HS3ST4: variants seen among roughly 807,000 people sequenced by gnomAD.
HS3ST4 encodes heparan sulfate-glucosamine 3-sulfotransferase 4.
Under a neutral mutation model 29.2 loss-of-function variants are expected in HS3ST4, and 17 were observed. That is an observed-to-expected ratio of 0.58 (90% CI 0.40 to 0.87). HS3ST4 has a LOEUF of 0.87. Ranked by LOEUF, HS3ST4 falls within the 40% of genes least tolerant of loss-of-function variation. The pLI is 0.00. For synonymous variants in HS3ST4, 314 were observed against 285.7 expected, an observed-to-expected ratio of 1.10 and a Z score of -1.00; for missense variants, 627 against 634.5, an observed-to-expected ratio of 0.99 and a Z score of 0.13.
At chr16:25,795,760 A>G (rs1966882899) in intron 1 of HS3ST4, among the ~76,000 whole-genome samples, 2 of 152,076 alleles carry the variant, frequency 1.3e-5, no homozygotes, top group Non-Finnish European at 2.9e-5. Context: ...TCATAGATAG[A>G]GCTGATTTGA....
intron 1 of HS3ST4, among the ~76,000 whole-genome samples, chr16:26,102,611 C>A (rs1256331119): frequency 1.3e-5 from 2 of 152,140 alleles, no homozygotes; most frequent in African/African-American, 4.8e-5. Flanking sequence ...AAATACATTC[C>A]CCCTCCATCC....
chr16:25,712,314 G>A (rs1351761037), intron 1 of HS3ST4, among the ~76,000 whole-genome samples: 1 of 152,090 alleles, frequency 6.6e-6, no homozygotes, highest in Non-Finnish European at 1.5e-5. Flanking sequence ...TTGAGTCAAG[G>A]GGTTTGAGAC....
chr16:26,055,860 T>A (rs1466796855), intron 1 of HS3ST4, among the ~76,000 whole-genome samples: 1 of 152,170 alleles, frequency 6.6e-6, no homozygotes, highest in Non-Finnish European at 1.5e-5. Flanking sequence ...ATTTGATTCA[T>A]TTGGGCAGTG....
chr16:25,884,362 C>A (rs991673249), intron 1 of HS3ST4, among the ~76,000 whole-genome samples: 49 of 152,208 alleles, frequency 3.2e-4, no homozygotes, highest in African/African-American at 1.1e-3. Flanking sequence ...TTACAGAATT[C>A]ATCACTGGCC....
chr16:26,112,276 G>C (rs1358955316), intron 1 of HS3ST4, among the ~76,000 whole-genome samples: 1 of 145,672 alleles, frequency 6.9e-6, no homozygotes, highest in Non-Finnish European at 1.5e-5. Flanking sequence ...GTGTGTGTGT[G>C]GTGTCTTAAG....
intron 1 of HS3ST4, among the ~76,000 whole-genome samples, chr16:25,734,116 CA>C (rs1011568330): frequency 5.3e-5 from 8 of 151,024 alleles, no homozygotes; most frequent in South Asian, 2.1e-4. Flanking sequence ...GACTCCGTCT[CA>C]AAAAAACAAA....
At chr16:25,813,299 G>A (rs994769443) in intron 1 of HS3ST4, among the ~76,000 whole-genome samples, 4 of 152,148 alleles carry the variant, frequency 2.6e-5, no homozygotes, top group African/African-American at 9.7e-5. Flanking sequence ...AACAAAACAG[G>A]TGTTAGGATG....
chr16:25,910,582 G>T (rs1339662771), intron 1 of HS3ST4, among the ~76,000 whole-genome samples: 1 of 151,992 alleles, frequency 6.6e-6, no homozygotes, highest in Non-Finnish European at 1.5e-5. Flanking sequence ...GGCAGAGGTT[G>T]CAGTGAGCCG....
intron 1 of HS3ST4, among the ~76,000 whole-genome samples, chr16:26,091,270 G>T (rs1027829532): frequency 2.0e-5 from 3 of 152,102 alleles, no homozygotes; most frequent in Non-Finnish European, 2.9e-5. Context: ...TAATATTAAG[G>T]CTCTATAACT....
chr16:25,950,836 A>G (rs1170569039), intron 1 of HS3ST4, among the ~76,000 whole-genome samples: 1 of 152,134 alleles, frequency 6.6e-6, no homozygotes, highest in African/African-American at 2.4e-5. Context: ...ATGAGGATTA[A>G]GTCAAATAAC....
chr16:25,743,503 G>A (rs542162728), intron 1 of HS3ST4, among the ~76,000 whole-genome samples: 12 of 152,140 alleles, frequency 7.9e-5, no homozygotes, highest in African/African-American at 2.6e-4. Context: ...TGTTTGATGG[G>A]TCTTTATTTT....
At chr16:25,718,224 AC>A (rs1966470887) in intron 1 of HS3ST4, among the ~76,000 whole-genome samples, 1 of 152,188 alleles carries the variant, frequency 6.6e-6, no homozygotes, top group Non-Finnish European at 1.5e-5. Context: ...GTTTTTGGTT[AC>A]ATTTACCTTC....
At chr16:26,023,552 A>G (rs1969436920) in intron 1 of HS3ST4, among the ~76,000 whole-genome samples, 1 of 151,822 alleles carries the variant, frequency 6.6e-6, no homozygotes, top group Non-Finnish European at 1.5e-5. Context: ...GGCACACACC[A>G]CCAGGCCTGG....
intron 1 of HS3ST4, among the ~76,000 whole-genome samples, chr16:25,753,659 G>A (rs1023008952): frequency 4.6e-5 from 7 of 152,196 alleles, no homozygotes; most frequent in African/African-American, 1.7e-4. Context: ...GCCCAGGCCT[G>A]TCTGGCTCTA....
At chr16:26,063,574 A>G (rs1898506788) in intron 1 of HS3ST4, among the ~76,000 whole-genome samples, 1 of 152,006 alleles carries the variant, frequency 6.6e-6, no homozygotes, top group African/African-American at 2.4e-5. Context: ...GTGCACACCT[A>G]TAGTCCTAGC....
At chr16:25,826,176 A>G (rs1302571109) in intron 1 of HS3ST4, 1 of 152,208 alleles carries the variant, frequency 6.6e-6, no homozygotes, top group Non-Finnish European at 1.5e-5. Context: ...CCTGCTGGCC[A>G]CGTGCATCTT....
At chr16:26,015,705 G>T (rs1969356724) in intron 1 of HS3ST4, among the ~76,000 whole-genome samples, 1 of 152,130 alleles carries the variant, frequency 6.6e-6, no homozygotes, top group Non-Finnish European at 1.5e-5. Flanking sequence ...GTCATCTGAG[G>T]GTCCAAGCAC....
rs148014624 is a variant in HS3ST4 at position 25,746,859 on chromosome 16, T to G, written c.734+53708T>G. 2.1e-3 allele frequency among the ~76,000 whole-genome samples: 325 copies of G among 151,434 alleles called. 8 individuals carry two copies. The East Asian group carries it at 0.056, about 26-fold the overall frequency. ...AGCCACTGCGCCCAGCCCACAATTG[T>G]TTTTATAGAGAGGGGGTCTTGCTCC... On this transcript the variant is annotated intron_variant, in intron 1 of 1. Coordinates refer to ENST00000331351, the MANE Select transcript of HS3ST4 (RefSeq NM_006040.3).
rs181581773 is a variant in HS3ST4, at chr16:25,757,626, A to G, written c.734+64475A>G. 2.5e-3 allele frequency among the ~76,000 whole-genome samples: 373 copies of G among 150,788 alleles called. 2 individuals are homozygous for G. Among genetic ancestry groups the G allele is most frequent in the African/African-American group, 8.7e-3 (358 of 41,274 alleles). On this transcript the variant is annotated intron_variant, in intron 1 of 1. Coordinates refer to ENST00000331351, the MANE Select transcript of HS3ST4 (RefSeq NM_006040.3). The stretch of plus-strand genomic sequence containing the variant: ...AATAGAGAGAGTGTAAAAATAACGA[A>G]TGTGTCCTCCCGTCATGCCCTGGTC...
Sources: gnomAD v4.1 joint callset for allele counts (sites outside exome capture counted in the v4.1 genomes callset) on GRCh38, gnomAD v4.1.1 for gene constraint, MANE v1.5 for transcripts, NCBI Gene and HGNC (gene_info 2026-07-23, HGNC 2026-07-21) for gene names.